RP1: variants seen among roughly 807,000 people sequenced by gnomAD.
RP1 encodes the protein oxygen-regulated protein 1.
In RP1, 16 loss-of-function variants were observed where a neutral mutation model predicts 14.8. The ratio of observed to expected loss-of-function variants is 1.08; its 90% CI spans 0.73 to 1.65. The LOEUF (loss-of-function observed/expected upper bound fraction) is 1.65. Ranked by LOEUF, RP1 falls within the 40% of genes most tolerant of loss-of-function variation. RP1 has a pLI of 0.00. For synonymous variants in RP1, 876 were observed against 883.6 expected (o/e 0.99, Z 0.15); for missense variants, 2,631 against 2,535.0 (o/e 1.04, Z -0.81).
chr8:54,725,832 C>G (rs1024863864), intron 16 of RP1, among the ~76,000 whole-genome samples: 2 of 152,114 alleles, frequency 1.3e-5, no homozygotes, highest in African/African-American at 4.8e-5. Context: ...CATTATTTAA[C>G]TTAGAGATAC....
intron 25 of RP1, among the ~76,000 whole-genome samples, chr8:54,850,219 A>T (rs940627359): frequency 1.3e-5 from 2 of 152,222 alleles, no homozygotes; most frequent in Admixed American, 6.5e-5. Flanking sequence ...ATGGCACTTT[A>T]AGAAGATTAT....
intron 7 of RP1, among the ~76,000 whole-genome samples, chr8:54,667,099 A>G (rs903794488): frequency 1.3e-5 from 2 of 152,086 alleles, no homozygotes; most frequent in African/African-American, 4.8e-5. Flanking sequence ...GAAGGTGCAG[A>G]CATGCCACCT....
intron 1 of RP1, among the ~76,000 whole-genome samples, chr8:54,577,879 A>G (rs1344544757): frequency 1.3e-5 from 2 of 152,196 alleles, no homozygotes; most frequent in Non-Finnish European, 2.9e-5. Context: ...GACTTGGATA[A>G]CTTCCAATGA....
At chr8:54,723,818 A>G (rs1307689248) in intron 16 of RP1, among the ~76,000 whole-genome samples, 3 of 152,210 alleles carry the variant, frequency 2.0e-5, no homozygotes, top group African/African-American at 7.2e-5. Flanking sequence ...CTTTTATAGC[A>G]TACTTAGGAA....
At chr8:54,807,660 A>G (rs979888697) in intron 24 of RP1, among the ~76,000 whole-genome samples, 2 of 55,886 alleles carry the variant, frequency 3.6e-5, no homozygotes, top group African/African-American at 3.4e-4. Flanking sequence ...CTATCTATCT[A>G]TCTATCTATC....
chr8:54,621,906 GA>G (rs1357423108), intron 2 of RP1, among the ~76,000 whole-genome samples: 2 of 152,134 alleles, frequency 1.3e-5, no homozygotes, highest in African/African-American at 4.8e-5. Flanking sequence ...ATTTTCCTGG[GA>G]TCCCTGCTGG....
intron 1 of RP1, among the ~76,000 whole-genome samples, chr8:54,605,265 C>T (rs1276743753): frequency 6.6e-6 from 1 of 152,192 alleles, no homozygotes; most frequent in Non-Finnish European, 1.5e-5. Context: ...TTTCAAAGAA[C>T]ATCTTTATTA....
At chr8:54,831,384 G>A (rs1191805855) in intron 24 of RP1, among the ~76,000 whole-genome samples, 2 of 141,390 alleles carry the variant, frequency 1.4e-5, no homozygotes, top group African/African-American at 5.2e-5. Context: ...TCTCTTTTTT[G>A]GGATAACCTA....
chr8:54,576,199 C>T (rs543685157), intron 1 of RP1, among the ~76,000 whole-genome samples: 1 of 152,264 alleles, frequency 6.6e-6, no homozygotes, highest in African/African-American at 2.4e-5. Context: ...CGCCACCACG[C>T]CCGGCTAATT....
intron 14 of RP1, among the ~76,000 whole-genome samples, chr8:54,701,825 AAT>A (rs1488584415): frequency 6.6e-6 from 1 of 152,188 alleles, no homozygotes; most frequent in African/African-American, 2.4e-5. Flanking sequence ...TTTGAAAGGC[AAT>A]AGAGATGACA....
intron 24 of RP1, among the ~76,000 whole-genome samples, chr8:54,832,132 A>G (rs528336709): frequency 6.6e-6 from 1 of 151,736 alleles, no homozygotes; most frequent in Admixed American, 6.6e-5. Flanking sequence ...GATTTTCTTT[A>G]TATATATTTT....
At chr8:54,745,180 C>T (rs573477922) in intron 19 of RP1, among the ~76,000 whole-genome samples, 12 of 152,212 alleles carry the variant, frequency 7.9e-5, no homozygotes, top group African/African-American at 2.9e-4. Flanking sequence ...CCAGATTGTG[C>T]TTAGTTATCC....
At chr8:54,631,965 C>A (rs1806253353), downstream of RP1, among the ~76,000 whole-genome samples, 1 of 152,018 alleles carries the variant, frequency 6.6e-6, no homozygotes, top group South Asian at 2.1e-4. Context: ...CCTCAGCCTC[C>A]CAAGTAGCTG....
intron 5 of RP1, among the ~76,000 whole-genome samples, chr8:54,654,749 G>T (rs1456548568): frequency 6.6e-6 from 1 of 152,106 alleles, no homozygotes; most frequent in Non-Finnish European, 1.5e-5. Context: ...CCAGGCTCAA[G>T]CGATCCTCCC....
At chr8:54,691,519 A>G (rs1392763233) in intron 12 of RP1, among the ~76,000 whole-genome samples, 1 of 152,084 alleles carries the variant, frequency 6.6e-6, no homozygotes, top group Non-Finnish European at 1.5e-5. Context: ...ATGCAAAAGT[A>G]TATGAACCTG....
intron 15 of RP1, among the ~76,000 whole-genome samples, chr8:54,712,853 TCTGA>T (rs1808322654): frequency 6.6e-6 from 1 of 152,194 alleles, no homozygotes; most frequent in Non-Finnish European, 1.5e-5. Flanking sequence ...TTTCATTATA[TCTGA>T]CTAAGAACCA....
At position 54,790,299 on chromosome 8, in the gene RP1, C is replaced by T. The variant is rs542053143; in HGVS notation, c.3615+6589C>T. Among the ~76,000 whole-genome samples, 4 of 152,340 alleles carry T rather than the reference C, an allele frequency of 2.6e-5. No homozygotes were observed. The South Asian group carries it at 8.3e-4, about 32-fold the overall frequency. ...ATAACCTACCTGTGAATGCTACCAG[C>T]TGGTCTGTCTAAAACTCCAGGCTGG... On this transcript the variant is annotated intron_variant, in intron 24 of 28. Coordinates refer to the RP1 transcript ENST00000637698.
At chr8:54,859,199 A>T (rs1315203351) in intron 27 of RP1, among the ~76,000 whole-genome samples, 1 of 146,894 alleles carries the variant, frequency 6.8e-6, no homozygotes. Context: ...CTGTAGTGCA[A>T]TGTCACTGTG....
intron 7 of RP1, among the ~76,000 whole-genome samples, chr8:54,667,081 C>G (rs376589787): frequency 6.6e-6 from 1 of 152,090 alleles, no homozygotes; most frequent in African/African-American, 2.4e-5. Context: ...GAACTCCTTA[C>G]ATATAGAGAA....
Sources: allele counts gnomAD v4.1 joint callset (sites outside exome capture counted in the v4.1 genomes callset), GRCh38; gene constraint gnomAD v4.1.1; transcripts MANE v1.5; gene names NCBI Gene and HGNC (gene_info 2026-07-23, HGNC 2026-07-21).